The following PAG1 variants were observed in gnomAD, a reference collection of about 807,000 sequenced individuals.
The protein encoded by PAG1 is phosphoprotein associated with glycosphingolipid-enriched microdomains 1.
In PAG1, 23 loss-of-function variants were observed where a neutral mutation model predicts 31.7. The ratio of observed to expected loss-of-function variants is 0.73; its 90% confidence interval spans 0.52 to 1.03. The LOEUF (loss-of-function observed/expected upper bound fraction) is 1.03. Among genes scored for constraint, PAG1 ranks in the 50% least tolerant of loss-of-function variants. The pLI is 0.00. For missense variants in PAG1, 473 were observed against 540.7 expected (o/e 0.87, Z 1.24); for synonymous variants, 214 against 210.3 (o/e 1.02, Z -0.15).
chr8:81,063,242 A>G (rs1285926481), intron 2 of PAG1, among the ~76,000 whole-genome samples: 1 of 152,190 alleles, frequency 6.6e-6, no homozygotes, highest in Non-Finnish European at 1.5e-5. Context: ...CTTCCTTCTT[A>G]GGGCAATATT....
rs960990915 is a variant in PAG1 at position 80,974,885 on chromosome 8, C to G, written c.*1659G>C. ...TTGAAAATGAAAAGTGAACAAGTTT[C>G]CTAATGCTGGCCTTATAAGATCTAA... On this transcript the variant is annotated 3_prime_UTR_variant, in exon 9 of 9. Coordinates refer to ENST00000220597, the MANE Select transcript of PAG1 (RefSeq NM_018440.4). 1 of 152,166 alleles carries G rather than the reference C, an allele frequency of 6.6e-6. No homozygotes were observed. The highest frequency in any genetic ancestry group is 1.5e-5 in the Non-Finnish European group (1 of 68,026). 9.4% of individuals were successfully genotyped at this position (152,166 alleles called of 1,614,324 possible). A position where few individuals can be genotyped will look rare whatever the true frequency, so the allele number is the denominator to read the frequency against.
intron 2 of PAG1, among the ~76,000 whole-genome samples, chr8:81,063,152 C>T (rs1808944940): frequency 6.6e-6 from 1 of 152,150 alleles, no homozygotes; most frequent in Admixed American, 6.5e-5. Flanking sequence ...TCATCTCTCC[C>T]AGTGGGCCTG....
intron 2 of PAG1, among the ~76,000 whole-genome samples, chr8:81,030,297 A>G (rs1027345051): frequency 3.3e-5 from 5 of 152,256 alleles, no homozygotes; most frequent in African/African-American, 1.2e-4. Flanking sequence ...TCAATAAAGA[A>G]AACTTCCTAT....
chr8:80,982,469 T>G (rs565019228), intron 7 of PAG1, among the ~76,000 whole-genome samples: 53 of 152,274 alleles, frequency 3.5e-4, no homozygotes, highest in African/African-American at 1.2e-3. Flanking sequence ...TTTCCAGATC[T>G]CTATTCTTGG....
intron 1 of PAG1, among the ~76,000 whole-genome samples, chr8:81,105,014 G>A (rs544842047): frequency 6.8e-4 from 103 of 152,062 alleles, no homozygotes; most frequent in Non-Finnish European, 1.1e-3. Context: ...CCGCCTCTCC[G>A]GTACCTTTGT....
chr8:81,041,090 C>T (rs1256779203), intron 2 of PAG1, among the ~76,000 whole-genome samples: 1 of 152,190 alleles, frequency 6.6e-6, no homozygotes, highest in Non-Finnish European at 1.5e-5. Context: ...AAACTAGTGT[C>T]ACCCACAGAA....
intron 1 of PAG1, among the ~76,000 whole-genome samples, chr8:81,090,584 T>G (rs1809428621): frequency 6.6e-6 from 1 of 152,112 alleles, no homozygotes; most frequent in Admixed American, 6.5e-5. Flanking sequence ...TTGAAAGGGA[T>G]GTAATAGAGC....
At position 80,985,232 on chromosome 8, in the gene PAG1, G is replaced by A. The variant is rs929622305; in HGVS notation, c.420C>T (p.Ser140=). ...TCGCCGTGAGCATGGTATCCACTGC[G>A]CTCTCGGGAGGGATTCTGGGCAGCT... is the stretch of plus-strand genomic sequence containing the variant. The part of the protein sequence containing the change: ...SRELPRIPPE[S]AVDTMLTARS... The change falls in exon 7 of 9, where the codon AGC becomes AGT. Residue 140 remains serine (S), a synonymous_variant. Transcript: ENST00000220597. The A allele has an allele frequency of 1.4e-5, 22 of 1,613,930 alleles. No individual in the cohort carries two copies. Among genetic ancestry groups the A allele is most frequent in the Middle Eastern group, 1.6e-4 (1 of 6,084 alleles).
intron 2 of PAG1, among the ~76,000 whole-genome samples, chr8:81,039,043 T>C (rs935469600): frequency 7.2e-5 from 11 of 152,088 alleles, no homozygotes; most frequent in Non-Finnish European, 1.5e-4. Flanking sequence ...TACAGTATGA[T>C]TGGTAAAATA....
intron 3 of PAG1, among the ~76,000 whole-genome samples, chr8:81,006,079 A>G (rs1247005468): frequency 6.6e-6 from 1 of 152,120 alleles, no homozygotes; most frequent in East Asian, 1.9e-4. Flanking sequence ...AGTACCTGGG[A>G]CTACAGGCAT....
At chr8:81,100,534 C>A (rs1312653076) in intron 1 of PAG1, among the ~76,000 whole-genome samples, 1 of 152,218 alleles carries the variant, frequency 6.6e-6, no homozygotes, top group Non-Finnish European at 1.5e-5. Flanking sequence ...CCATCCCCAG[C>A]TGTGCCAACC....
chr8:81,002,821 G>A (rs1292460128), intron 3 of PAG1, among the ~76,000 whole-genome samples: 2 of 152,232 alleles, frequency 1.3e-5, no homozygotes, highest in Non-Finnish European at 2.9e-5. Context: ...ATTTACTGGT[G>A]TTATTGTGAA....
At chr8:81,000,093 T>C (rs1191800179) in intron 3 of PAG1, among the ~76,000 whole-genome samples, 1 of 152,210 alleles carries the variant, frequency 6.6e-6, no homozygotes, top group Non-Finnish European at 1.5e-5. Flanking sequence ...ATGGAATGTT[T>C]CAGACAGTGT....
chr8:81,045,058 C>T (rs1299914849), intron 2 of PAG1, among the ~76,000 whole-genome samples: 2 of 152,172 alleles, frequency 1.3e-5, no homozygotes, highest in African/African-American at 4.8e-5. Flanking sequence ...CAGAGCCATT[C>T]AACATCTCCT....
At chr8:81,087,754 C>A in intron 1 of PAG1, among the ~76,000 whole-genome samples, 1 of 152,198 alleles carries the variant, frequency 6.6e-6, no homozygotes, top group South Asian at 2.1e-4. Context: ...GGCTCTGTGG[C>A]TGCAGGAGAA....
At chr8:81,039,558 A>C (rs1197263259) in intron 2 of PAG1, 1 of 152,218 alleles carries the variant, frequency 6.6e-6, no homozygotes, top group Non-Finnish European at 1.5e-5. Flanking sequence ...TGAGACAATC[A>C]ATTCTGGATG....
At chr8:81,061,692 A>C (rs1041397548) in intron 2 of PAG1, among the ~76,000 whole-genome samples, 1 of 152,230 alleles carries the variant, frequency 6.6e-6, no homozygotes, top group African/African-American at 2.4e-5. Context: ...ATGGGGTCTT[A>C]GCACCTTGTA....
intron 3 of PAG1, among the ~76,000 whole-genome samples, chr8:81,028,125 TCATATTGTG>T (rs1344470594): frequency 1.3e-4 from 20 of 152,036 alleles, no homozygotes; most frequent in African/African-American, 4.8e-4. Flanking sequence ...TCAGGGCCCA[TCATATTGTG>T]CAGTCTCTGT....
At chr8:81,007,204 G>C (rs922422378) in intron 3 of PAG1, among the ~76,000 whole-genome samples, 1 of 152,254 alleles carries the variant, frequency 6.6e-6, no homozygotes, top group South Asian at 2.1e-4. Context: ...CATGTTGTGG[G>C]AAGTGCGGGA....
Sources: allele counts gnomAD v4.1 joint callset (sites outside exome capture counted in the v4.1 genomes callset), GRCh38; gene constraint gnomAD v4.1.1; transcripts MANE v1.5; gene names NCBI Gene and HGNC (gene_info 2026-07-23, HGNC 2026-07-21).